Variants in SLC25A24 observed in about 807,000 individuals in gnomAD.
SLC25A24 encodes the protein mitochondrial adenyl nucleotide antiporter SLC25A24.
Under a neutral mutation model 60.7 loss-of-function variants are expected in SLC25A24, and 49 were observed. That is an observed-to-expected ratio of 0.81 (90% CI 0.64 to 1.02). SLC25A24 has a LOEUF of 1.02. Ranked by LOEUF, SLC25A24 falls within the 50% of genes least tolerant of loss-of-function variation. The pLI, the probability that SLC25A24 is intolerant of heterozygous loss-of-function variation, is 0.00. For missense variants in SLC25A24, 564 were observed against 586.3 expected (o/e 0.96, Z 0.39); for synonymous variants, 202 against 200.6 (o/e 1.01, Z -0.06).
At chr1:108,157,115 T>C (rs1679922271) in intron 5 of SLC25A24, among the ~76,000 whole-genome samples, 1 of 152,164 alleles carries the variant, frequency 6.6e-6, no homozygotes, top group Non-Finnish European at 1.5e-5. Flanking sequence ...AGATTCTAGA[T>C]TTCAAAAATA....
chr1:108,174,676 C>A (rs1558021460), intron 3 of SLC25A24, among the ~76,000 whole-genome samples: 1 of 152,086 alleles, frequency 6.6e-6, no homozygotes, highest in Non-Finnish European at 1.5e-5. Flanking sequence ...TCAACGCCAG[C>A]CTGTGAAAAG....
chr1:108,165,425 T>TTAATTATTAG (rs753104215), intron 3 of SLC25A24, among the ~76,000 whole-genome samples: 1 of 151,236 alleles, frequency 6.6e-6, no homozygotes, highest in South Asian at 2.1e-4. Context: ...TGTGTGGGAG[T>TTAATTATTAG]TTAAGTCTCT....
chr1:108,175,217 G>A (rs1166172719), intron 3 of SLC25A24, among the ~76,000 whole-genome samples: 1 of 152,176 alleles, frequency 6.6e-6, no homozygotes, highest in African/African-American at 2.4e-5. Flanking sequence ...CCAGTGGGAG[G>A]TAATTGAATC....
intron 6 of SLC25A24, among the ~76,000 whole-genome samples, chr1:108,153,091 C>T (rs929024117): frequency 6.6e-6 from 1 of 152,144 alleles, no homozygotes; most frequent in African/African-American, 2.4e-5. Context: ...GGTAGACCTA[C>T]AGTGTTGAGA....
chr1:108,178,707 G>A (rs1195028405), intron 3 of SLC25A24, among the ~76,000 whole-genome samples: 2 of 151,910 alleles, frequency 1.3e-5, no homozygotes, highest in Non-Finnish European at 2.9e-5. Context: ...CCAGCTACTC[G>A]GGAGGCTGAG....
chr1:108,200,152 C>T lies in SLC25A24; in HGVS notation c.-14G>A. 1 of 1,540,360 alleles carries T rather than the reference C, an allele frequency of 6.5e-7. No individual in the cohort carries two copies. Among genetic ancestry groups the T allele is most frequent in the Non-Finnish European group, 8.7e-7 (1 of 1,145,664 alleles). On this transcript the variant is annotated 5_prime_UTR_variant, in exon 1 of 10. Transcript: ENST00000565488. Reference sequence around the variant, plus strand: ...CCAGCGCAACATGGTCCCAGAGGCGCAGGCGGCCTGGCCGAGGAAGTCACG... The same window carrying T: ...CCAGCGCAACATGGTCCCAGAGGCGTAGGCGGCCTGGCCGAGGAAGTCACG...
In SLC25A24 at chr1:108,143,647, T is replaced by G. The variant is rs754322234; in HGVS notation, c.994A>C (p.Lys332Gln). The G allele has an allele frequency of 6.2e-7, 1 of 1,613,900 alleles. No homozygotes were observed. Among genetic ancestry groups the G allele is most frequent in the South Asian group, 1.1e-5 (1 of 91,072 alleles). Residue 332 changes from lysine (K) to glutamine (Q), a missense_variant, in exon 8 of 10, where the codon AAG (lysine) becomes CAG (glutamine). Coordinates refer to ENST00000565488, the MANE Select transcript of SLC25A24 (RefSeq NM_013386.5). ...GQYSGIYDCA[K>Q]KILKHEGLGA... ...AAGCCTTCATGTTTCAAAATCTTCT[T>G]GGCACAATCATATATTCCAGAGTAC...
chr1:108,187,028 G>A (rs998235994), intron 1 of SLC25A24, among the ~76,000 whole-genome samples: 17 of 149,100 alleles, frequency 1.1e-4, no homozygotes, highest in Admixed American at 1.0e-3. Flanking sequence ...TGTGAGCCGA[G>A]ATCGCACCAT....
chr1:108,182,797 C>A lies in SLC25A24; in HGVS notation c.311-769G>T, dbSNP rs374915048. Among the ~76,000 whole-genome samples, 35 of 152,150 alleles carry A rather than the reference C, an allele frequency of 2.3e-4. No individual in the cohort carries two copies. In the East Asian group the frequency reaches 2.3e-3, roughly 10 times the overall value. On this transcript the variant is annotated intron_variant, in intron 2 of 9. Transcript: ENST00000565488. Reference sequence around the variant, plus strand: ...GCAGTGAGCTGAGATCGCGCCACTGCACCCCAGCCTGGGTGACAGAGTGAG... The same window carrying A: ...GCAGTGAGCTGAGATCGCGCCACTGAACCCCAGCCTGGGTGACAGAGTGAG...
chr1:108,147,909 C>T (rs976938634), intron 7 of SLC25A24, among the ~76,000 whole-genome samples: 2 of 152,122 alleles, frequency 1.3e-5, no homozygotes, highest in African/African-American at 4.8e-5. Flanking sequence ...CTCTCTCTCT[C>T]TCTGTTGGAC....
At chr1:108,180,617 TCTCTCTCTCTCTC>T (rs1558023906) in intron 3 of SLC25A24, among the ~76,000 whole-genome samples, 1 of 7,492 alleles carries the variant, frequency 1.3e-4, no homozygotes, top group Admixed American at 2.4e-3. Context: ...AAGAGAAAGA[TCTCTCTCTCTCTC>T]TCTCTCTCTC....
rs547595 is a variant in SLC25A24 at position 108,183,564 on chromosome 1, C to T, written c.311-1536G>A. Among the ~76,000 whole-genome samples the T allele has an allele frequency of 2.0e-5, 3 of 152,072 alleles. No homozygotes were observed. The South Asian group carries it at 6.2e-4, about 32-fold the overall frequency. On this transcript the variant is annotated intron_variant, in intron 2 of 9. Transcript: ENST00000565488. Reference sequence around the variant, plus strand: ...TGTCTTATGTCTGTTTCTGTTTGAACGCACCTCATTTAATGTGTGCTGTTG... The same window carrying T: ...TGTCTTATGTCTGTTTCTGTTTGAATGCACCTCATTTAATGTGTGCTGTTG...
chr1:108,150,256 G>A (rs967335916), intron 6 of SLC25A24, among the ~76,000 whole-genome samples: 23 of 152,210 alleles, frequency 1.5e-4, no homozygotes, highest in African/African-American at 4.6e-4. Flanking sequence ...CCTATTCCCC[G>A]AAACATACCA....
intron 8 of SLC25A24, among the ~76,000 whole-genome samples, chr1:108,143,184 T>C (rs1042328641): frequency 6.6e-6 from 1 of 152,230 alleles, no homozygotes; most frequent in African/African-American, 2.4e-5. Context: ...TTTGTATTCT[T>C]CCGTACAAGG....
intron 3 of SLC25A24, among the ~76,000 whole-genome samples, chr1:108,178,209 A>G (rs1034017189): frequency 2.0e-5 from 3 of 152,162 alleles, no homozygotes; most frequent in African/African-American, 7.2e-5. Context: ...AATAAAAACC[A>G]TTAATACGTC....
At chr1:108,165,055 G>C (rs988197230) in intron 3 of SLC25A24, among the ~76,000 whole-genome samples, 3 of 146,192 alleles carry the variant, frequency 2.1e-5, no homozygotes, top group Non-Finnish European at 4.5e-5. Flanking sequence ...TATGTACCCA[G>C]TAGTCATTCA....
chr1:108,176,050 CAG>C (rs1311008873), intron 3 of SLC25A24, among the ~76,000 whole-genome samples: 1 of 151,946 alleles, frequency 6.6e-6, no homozygotes, highest in Non-Finnish European at 1.5e-5. Context: ...CCTAAAGAAA[CAG>C]AGATGTATGA....
chr1:108,148,561 T>C (rs190364873), intron 6 of SLC25A24, among the ~76,000 whole-genome samples, 175 bp from the exon 7 acceptor site: 1 of 151,726 alleles, frequency 6.6e-6, no homozygotes, highest in East Asian at 1.9e-4. Flanking sequence ...ACAGGATCAG[T>C]GTTCTTGTAA....
At position 108,185,811 on chromosome 1, in the gene SLC25A24, A is replaced by G. The variant is rs1268706745; in HGVS notation, c.310+17T>C. The G allele has an allele frequency of 1.9e-6, 3 of 1,571,100 alleles. No individual in the cohort carries two copies. Among genetic ancestry groups the G allele is most frequent in the African/African-American group, 2.7e-5 (2 of 73,774 alleles). Reference sequence around the variant, plus strand: ...TGCTTCTTCATAGCTGGTGATAAATACAAAAGAAAGACACACCATCATTAT... The same window carrying G: ...TGCTTCTTCATAGCTGGTGATAAATGCAAAAGAAAGACACACCATCATTAT... On this transcript the variant is annotated intron_variant, in intron 2 of 9. Coordinates refer to ENST00000565488, the MANE Select transcript of SLC25A24 (RefSeq NM_013386.5).
Sources: gnomAD v4.1 joint callset for allele counts (sites outside exome capture counted in the v4.1 genomes callset) on GRCh38, gnomAD v4.1.1 for gene constraint, MANE v1.5 for transcripts, NCBI Gene and HGNC (gene_info 2026-07-23, HGNC 2026-07-21) for gene names.